The following RP1L1 variants were observed in gnomAD, a reference collection of about 807,000 sequenced individuals.
The protein encoded by RP1L1 is retinitis pigmentosa 1-like 1 protein.
In RP1L1, 27 loss-of-function variants were observed where a neutral mutation model predicts 15.7. The observed-to-expected ratio is 1.72, with a 90% CI of 1.27 to 2.38. RP1L1 has a LOEUF of 2.38. Among genes scored for constraint, RP1L1 ranks in the 30% most tolerant of loss-of-function variants. RP1L1 has a pLI of 0.00. For missense variants in RP1L1, 4,798 were observed against 3,075.9 expected (o/e 1.56, Z -13.24); for synonymous variants, 1,813 against 1,276.7 (o/e 1.42, Z -8.96).
At chr8:10,623,401 G>A (rs543972032) in intron 1 of RP1L1, among the ~76,000 whole-genome samples, 181 bp from the exon 2 acceptor site, 1 of 152,306 alleles carries the variant, frequency 6.6e-6, no homozygotes, top group East Asian at 1.9e-4. Flanking sequence ...GCATGGGACA[G>A]ATCTGAGTTC....
intron 1 of RP1L1, among the ~76,000 whole-genome samples, chr8:10,631,337 A>ACACACGCG (rs1554456611): frequency 3.9e-5 from 4 of 101,356 alleles, no homozygotes; most frequent in East Asian, 4.0e-3. Context: ...ACACACATGC[A>ACACACGCG]CACACACGCA....
rs375709672 is a variant in RP1L1 at position 10,609,159 on chromosome 8, G to C, written c.4939C>G (p.Leu1647Val). ...PALSTALGSQ[L>V]GEEAEGEEFC... ...TCCTCCCCCTCCGCCTCCTCGCCCA[G>C]CTGGCTCCCCAGGGCTGTGCTGAGG... Residue 1647 changes from leucine (L) to valine (V), a missense_variant, in exon 4 of 4, where the codon CTG (leucine) becomes GTG (valine). Physicochemically the swap from Leu to Val is conservative, Grantham distance 32. Coordinates refer to ENST00000382483, the MANE Select transcript of RP1L1 (RefSeq NM_178857.6). 37 of 1,612,672 alleles carry C rather than the reference G, an allele frequency of 2.3e-5. No homozygotes were observed. The highest frequency in any genetic ancestry group is 3.0e-5 in the Non-Finnish European group (35 of 1,179,530).
At chr8:10,614,444 G>A (rs970977518) in intron 3 of RP1L1, among the ~76,000 whole-genome samples, 2 of 152,164 alleles carry the variant, frequency 1.3e-5, no homozygotes, top group Non-Finnish European at 2.9e-5. Flanking sequence ...CGGATCACCT[G>A]AGGTCAGGAG....
rs368149860 is a variant in RP1L1 at position 10,610,483 on chromosome 8, G to A, written c.3615C>T (p.Ser1205=). 88 of 1,613,600 alleles carry A rather than the reference G, an allele frequency of 5.5e-5. No individual in the cohort carries two copies. The highest frequency in any genetic ancestry group is 3.4e-4 in the South Asian group (31 of 91,088). ...TACTCTCCCCTGAGCCTCCAGAGCC[G>A]CTGCTGATGTCCACACCAGAGGAGG... ...PTSSSGVDIS[S]GSGGSGESSV... Residue 1205 remains serine (S), a synonymous_variant, in exon 4 of 4, where the codon AGC becomes AGT. Coordinates refer to ENST00000382483, the MANE Select transcript of RP1L1 (RefSeq NM_178857.6).
rs551391924 is a variant in RP1L1 at position 10,612,397 on chromosome 8, CT to C, written c.1700del (p.Glu567GlyfsTer13). On this transcript the variant is annotated frameshift_variant, in exon 4 of 4. Coordinates refer to ENST00000382483, the MANE Select transcript of RP1L1 (RefSeq NM_178857.6). LOFTEE classifies it low-confidence loss of function (END_TRUNC). ...GKARAETSQQ[E>X]ASEGGDPASP... The stretch of plus-strand genomic sequence containing the variant: ...AAGCGGGGTCGCCTCCCTCGCTGGC[CT>C]CCTGCTGAGAGGTCTCGGCCCTTGC... The C allele has an allele frequency of 9.3e-6, 15 of 1,612,704 alleles. No homozygotes were observed. The highest frequency in any genetic ancestry group is 1.2e-5 in the Non-Finnish European group (14 of 1,180,046).
At chr8:10,645,770 AG>A (rs1242327430) in intron 1 of RP1L1, among the ~76,000 whole-genome samples, 12 of 152,218 alleles carry the variant, frequency 7.9e-5, no homozygotes, top group Admixed American at 3.3e-4. Flanking sequence ...AAGCGAGTCC[AG>A]CCCCCCAGAG....
At position 10,612,627 on chromosome 8, in the gene RP1L1, C is replaced by G; in HGVS notation, c.1471G>C (p.Ala491Pro). The G allele has an allele frequency of 6.2e-7, 1 of 1,602,508 alleles. No homozygotes were observed. The highest frequency in any genetic ancestry group is 2.2e-5 in the East Asian group (1 of 44,820). The stretch of plus-strand genomic sequence containing the variant: ...AGGCTCCCTCCAGCTTTCCGCTCAG[C>G]CCCTATCTGGGCAGAGGGGCTGGCA... ...DSASPSAQIG[A>P]ERKAGGSLGE... The change falls in exon 4 of 4, where the codon GCT (alanine) becomes CCT (proline). Residue 491 changes from alanine (A) to proline (P), a missense_variant. Transcript: ENST00000382483.
At chr8:10,638,421 G>T (rs909088546) in intron 1 of RP1L1, among the ~76,000 whole-genome samples, 1 of 152,028 alleles carries the variant, frequency 6.6e-6, no homozygotes, top group African/African-American at 2.4e-5. Context: ...AGGAAGAATT[G>T]CAATAATTCC....
intron 1 of RP1L1, among the ~76,000 whole-genome samples, chr8:10,649,736 C>G (rs1306404002): frequency 6.6e-6 from 1 of 152,180 alleles, no homozygotes; most frequent in Non-Finnish European, 1.5e-5. Context: ...AAAGAATTAG[C>G]TGGAAATTCT....
At chr8:10,619,394 C>A (rs1798022986) in intron 2 of RP1L1, among the ~76,000 whole-genome samples, 1 of 152,162 alleles carries the variant, frequency 6.6e-6, no homozygotes, top group African/African-American at 2.4e-5. Flanking sequence ...AAGATGCCCT[C>A]GTTGTTCTAG....
chr8:10,643,997 G>A (rs966025788), intron 1 of RP1L1, among the ~76,000 whole-genome samples: 5 of 151,966 alleles, frequency 3.3e-5, no homozygotes, highest in Non-Finnish European at 5.9e-5. Context: ...GGGGGAAGTA[G>A]AACCTTCCCG....
At chr8:10,627,177 G>A (rs1013531764) in intron 1 of RP1L1, among the ~76,000 whole-genome samples, 2 of 152,142 alleles carry the variant, frequency 1.3e-5, no homozygotes, top group African/African-American at 4.8e-5. Context: ...AGGGATACGT[G>A]TACACCCACG....
At chr8:10,626,047 G>A (rs1798152363) in intron 1 of RP1L1, among the ~76,000 whole-genome samples, 1 of 152,092 alleles carries the variant, frequency 6.6e-6, no homozygotes, top group Non-Finnish European at 1.5e-5. Context: ...CGGGGCAAAA[G>A]GAGAAAAAAT....
Position 10,616,493 on chromosome 8 carries a change from C to T in RP1L1, c.704G>A (p.Arg235Lys), listed in dbSNP as rs749159560. The T allele has an allele frequency of 2.5e-6, 4 of 1,614,248 alleles. No individual in the cohort carries two copies. The highest frequency in any genetic ancestry group is 1.1e-5 in the South Asian group (1 of 91,080). The change falls in exon 3 of 4, where the codon AGA (arginine) becomes AAA (lysine). Residue 235 changes from arginine (R) to lysine (K), a missense_variant. By Grantham distance (26) the Arg-to-Lys change is conservative (BLOSUM62 2). Transcript: ENST00000382483. The part of the protein sequence containing the change: ...FRTPAMKNAR[R>K]SEAETLSGLT... The stretch of plus-strand genomic sequence containing the variant: ...CCCAGATAAAGTTTCAGCCTCGCTT[C>T]TCCTGGCATTTTTCATGGCTGGGGT...
rs1363897520 is a variant in RP1L1 at position 10,650,888 on chromosome 8, T to C, written c.-20+4010A>G. ...AGCTGACTCTGTAGTTCTTTACACT[T>C]CGCAAAGTGTTTTTATGTAGAACAT... On this transcript the variant is annotated intron_variant, in intron 1 of 3. Coordinates refer to ENST00000382483, the MANE Select transcript of RP1L1 (RefSeq NM_178857.6). Among the ~76,000 whole-genome samples, 2 of 152,208 alleles carry C rather than the reference T, an allele frequency of 1.3e-5. 1 individual carries two copies. Among genetic ancestry groups the C allele is most frequent in the Non-Finnish European group, 2.9e-5 (2 of 68,026 alleles).
chr8:10,621,556 C>T, intron 2 of RP1L1: 1 of 376,494 alleles, frequency 2.7e-6, no homozygotes, highest in Middle Eastern at 6.2e-4. Flanking sequence ...GAACTCCTGA[C>T]CTCAGGTGAT....
At chr8:10,635,617 A>G (rs572990584) in intron 1 of RP1L1, among the ~76,000 whole-genome samples, 1 of 152,310 alleles carries the variant, frequency 6.6e-6, no homozygotes, top group African/African-American at 2.4e-5. Context: ...GGAGTCTCTG[A>G]TCTACACAGT....
chr8:10,640,008 G>C (rs1425979608), intron 1 of RP1L1, among the ~76,000 whole-genome samples: 1 of 152,144 alleles, frequency 6.6e-6, no homozygotes, highest in Non-Finnish European at 1.5e-5. Flanking sequence ...AAATGGTCAG[G>C]GGTTTTGTTT....
At chr8:10,622,467 A>G in intron 2 of RP1L1, 126 bp downstream of exon 2, 3 of 1,237,950 alleles carry the variant, frequency 2.4e-6, no homozygotes, top group Admixed American at 1.7e-5. Context: ...CATGCTGTTC[A>G]CCTTTAATTA....
Sources: gnomAD v4.1 joint callset for allele counts (sites outside exome capture counted in the v4.1 genomes callset) on GRCh38, gnomAD v4.1.1 for gene constraint, MANE v1.5 for transcripts, NCBI Gene and HGNC (gene_info 2026-07-23, HGNC 2026-07-21) for gene names.